SENP8: variants seen among roughly 807,000 people sequenced by gnomAD.
SENP8 encodes the protein sentrin-specific protease 8.
In SENP8, 10 loss-of-function variants were observed where a neutral mutation model predicts 14.4. The ratio of observed to expected loss-of-function variants is 0.69; its 90% CI spans 0.43 to 1.18. The LOEUF (loss-of-function observed/expected upper bound fraction) is 1.18. Among genes scored for constraint, SENP8 ranks in the 50% most tolerant of loss-of-function variants. The pLI, the probability that SENP8 is intolerant of heterozygous loss-of-function variation, is 0.00. For synonymous variants in SENP8, 94 were observed against 95.5 expected (o/e 0.98, Z 0.09); for missense variants, 202 against 249.4 (o/e 0.81, Z 1.28).
chr15:72,121,527 A>G lies in SENP8; in HGVS notation c.-48+3063A>G, dbSNP rs538464510. Among the ~76,000 whole-genome samples, 27 of 151,710 alleles carry G rather than the reference A, an allele frequency of 1.8e-4. 1 individual carries two copies. The South Asian group carries it at 5.6e-3, about 32-fold the overall frequency. On this transcript the variant is annotated intron_variant, in intron 1 of 1. Coordinates refer to ENST00000340912, the MANE Select transcript of SENP8 (RefSeq NM_145204.4). The stretch of plus-strand genomic sequence containing the variant: ...GAGGATCACTTGAGCCCAGGAGTTC[A>G]AGACCAGCCTGGGCAACAAAGTGAG...
chr15:72,131,511 A>G (rs1194585581), intron 1 of SENP8, among the ~76,000 whole-genome samples: 1 of 152,180 alleles, frequency 6.6e-6, no homozygotes, highest in Admixed American at 6.6e-5. Flanking sequence ...TTATTTAATT[A>G]CTTTGTTTTT....
At position 72,141,660 on chromosome 15, in the gene SENP8, A is replaced by G. The variant is rs1164727502; in HGVS notation, c.*1398A>G. 2 of 152,232 alleles carry G rather than the reference A, an allele frequency of 1.3e-5. No individual in the cohort carries two copies. Among genetic ancestry groups the G allele is most frequent in the Non-Finnish European group, 2.9e-5 (2 of 68,042 alleles). 9.4% of individuals were successfully genotyped at this position (152,232 alleles called of 1,614,324 possible). A position where few individuals can be genotyped will look rare whatever the true frequency, so the allele number is the denominator to read the frequency against. ...GAAAACACAGTAAGGGTAAATAAGT[A>G]CAGGTTACATAGCAGGCCTGAGTGA... On this transcript the variant is annotated 3_prime_UTR_variant, in exon 2 of 2. Coordinates refer to ENST00000340912, the MANE Select transcript of SENP8 (RefSeq NM_145204.4).
At chr15:72,118,316 G>C (rs2081084625), upstream of SENP8, 1 of 226,552 alleles carries the variant, frequency 4.4e-6, no homozygotes, top group South Asian at 1.8e-4. Context: ...TTACGGCAGA[G>C]CAGGGAACTC....
At chr15:72,124,022 GAATTTAT>G (rs2081191172) in intron 1 of SENP8, among the ~76,000 whole-genome samples, 1 of 152,186 alleles carries the variant, frequency 6.6e-6, no homozygotes, top group Non-Finnish European at 1.5e-5. Context: ...GAATAAAGTG[GAATTTAT>G]AGCAGTAGAG....
chr15:72,115,538 T>C (rs1291680654), upstream of SENP8, among the ~76,000 whole-genome samples: 2 of 152,146 alleles, frequency 1.3e-5, no homozygotes, highest in South Asian at 4.1e-4. Flanking sequence ...CCAACTCAAC[T>C]CCGAATATCC....
rs1411703249 is a variant in SENP8, at chr15:72,143,585, A to G, written c.*3323A>G. 6.6e-6 allele frequency: 1 copy of G among 152,202 alleles called. No individual in the cohort carries two copies. The highest frequency in any genetic ancestry group is 2.4e-5 in the African/African-American group (1 of 41,432). The allele number at this position is 152,202 out of a possible 1,614,324, so 9.4% of individuals were successfully genotyped here. On this transcript the variant is annotated 3_prime_UTR_variant, in exon 2 of 2. Transcript: ENST00000340912. Reference sequence around the variant, plus strand: ...TTACCATATATATAAAGTAACTTGTACATTTTTGAGGTTCTATAGAAATAT... The same window carrying G: ...TTACCATATATATAAAGTAACTTGTGCATTTTTGAGGTTCTATAGAAATAT...
At chr15:72,121,708 A>G (rs528657259) in intron 1 of SENP8, among the ~76,000 whole-genome samples, 3 of 152,294 alleles carry the variant, frequency 2.0e-5, no homozygotes, top group Admixed American at 2.0e-4. Context: ...CCTGAGTGAC[A>G]GAGAGCCTGT....
chr15:72,133,635 A>G (rs573175158), intron 1 of SENP8, among the ~76,000 whole-genome samples: 4 of 152,178 alleles, frequency 2.6e-5, no homozygotes, highest in Non-Finnish European at 5.9e-5. Context: ...TGGATTTCTT[A>G]TCTCATTGAC....
chr15:72,121,614 T>A (rs186865863), intron 1 of SENP8, among the ~76,000 whole-genome samples: 210 of 149,942 alleles, frequency 1.4e-3, no homozygotes, highest in African/African-American at 4.5e-3. Context: ...CTGCCTGTGG[T>A]CCCATCTACA....
chr15:72,125,701 A>C (rs2081210895), intron 1 of SENP8, among the ~76,000 whole-genome samples: 1 of 152,118 alleles, frequency 6.6e-6, no homozygotes, highest in African/African-American at 2.4e-5. Context: ...ATACGAAAAA[A>C]AGTTAAAATT....
chr15:72,120,798 T>C (rs1394805288), intron 1 of SENP8, among the ~76,000 whole-genome samples: 1 of 152,212 alleles, frequency 6.6e-6, no homozygotes, highest in Non-Finnish European at 1.5e-5. Context: ...GCAGCAACTT[T>C]AATGTGATGT....
chr15:72,141,916 T>G lies in SENP8; in HGVS notation c.*1654T>G, dbSNP rs2081383315. 1 of 152,096 alleles carries G rather than the reference T, an allele frequency of 6.6e-6. No homozygotes were observed. The highest frequency in any genetic ancestry group is 2.1e-4 in the South Asian group (1 of 4,824). The allele number at this position is 152,096 out of a possible 1,614,324, so 9.4% of individuals were successfully genotyped here. A position where few individuals can be genotyped will look rare whatever the true frequency, so the allele number is the denominator to read the frequency against. Reference sequence around the variant, plus strand: ...GATAAAGATAAGAAAACAATGTTATTTCAGTGACTGTTGACTTAGGCAGCT... The same window carrying G: ...GATAAAGATAAGAAAACAATGTTATGTCAGTGACTGTTGACTTAGGCAGCT... On this transcript the variant is annotated 3_prime_UTR_variant, in exon 2 of 2. Transcript: ENST00000340912.
At position 72,125,189 on chromosome 15, in the gene SENP8, T is replaced by A. The variant is rs13329340; in HGVS notation, c.-48+6725T>A. Among the ~76,000 whole-genome samples, 855 of 152,266 alleles carry A rather than the reference T, an allele frequency of 5.6e-3. 11 individuals are homozygous for A. Among genetic ancestry groups the A allele is most frequent in the African/African-American group, 0.019 (809 of 41,570 alleles). Reference sequence around the variant, plus strand: ...CCTACATATATAAATTTCTTAAGAATTCCAATATAATGGCAAATTACCCTT... The same window carrying A: ...CCTACATATATAAATTTCTTAAGAAATCCAATATAATGGCAAATTACCCTT... On this transcript the variant is annotated intron_variant, in intron 1 of 1. Coordinates refer to ENST00000340912, the MANE Select transcript of SENP8 (RefSeq NM_145204.4).
chr15:72,139,428 A>T (rs1368413089), intron 1 of SENP8, 149 bp from the exon 2 acceptor site: 2 of 667,618 alleles, frequency 3.0e-6, no homozygotes, highest in Non-Finnish European at 4.8e-6. Flanking sequence ...GCAAAAGAAA[A>T]TCCATGTGTA....
At chr15:72,116,724 A>G (rs988467578), upstream of SENP8, 7 of 152,250 alleles carry the variant, frequency 4.6e-5, no homozygotes, top group African/African-American at 1.7e-4. Flanking sequence ...ATACTACAAG[A>G]CGACATAGTT....
chr15:72,133,171 A>G (rs1444285468), intron 1 of SENP8, among the ~76,000 whole-genome samples: 1 of 152,214 alleles, frequency 6.6e-6, no homozygotes, highest in East Asian at 1.9e-4. Flanking sequence ...ACTCACCTCA[A>G]AACAAAAGAA....
chr15:72,139,638 C>CT lies in SENP8; in HGVS notation c.17dup (p.Leu6PhefsTer24). ...GTCAGTACAAGATGGACCCCGTAGT[C>CT]TTGAGTTACATGGACAGTCTACTGC... On this transcript the variant is annotated frameshift_variant, in exon 2 of 2. Coordinates refer to ENST00000340912, the MANE Select transcript of SENP8 (RefSeq NM_145204.4). LOFTEE classifies it high-confidence loss of function. 1 of 1,613,862 alleles carries CT rather than the reference C, an allele frequency of 6.2e-7. No individual in the cohort carries two copies. Among genetic ancestry groups the CT allele is most frequent in the Non-Finnish European group, 8.5e-7 (1 of 1,179,798 alleles).
At chr15:72,125,386 CCAGT>C (rs2081206945) in intron 1 of SENP8, among the ~76,000 whole-genome samples, 1 of 151,924 alleles carries the variant, frequency 6.6e-6, no homozygotes, top group African/African-American at 2.4e-5. Context: ...ACTCTGATGT[CCAGT>C]GTCTTTTCAT....
upstream of SENP8, among the ~76,000 whole-genome samples, chr15:72,115,436 T>C (rs1373693549): frequency 2.6e-5 from 4 of 152,308 alleles, no homozygotes; most frequent in East Asian, 7.7e-4. Flanking sequence ...CACTCCTTCA[T>C]GGGAATCCCC....
Sources: gnomAD v4.1 joint callset for allele counts (sites outside exome capture counted in the v4.1 genomes callset) on GRCh38, gnomAD v4.1.1 for gene constraint, MANE v1.5 for transcripts, NCBI Gene and HGNC (gene_info 2026-07-23, HGNC 2026-07-21) for gene names.